Variants in CNGB3 observed in about 807,000 individuals in gnomAD.
CNGB3 encodes cyclic nucleotide-gated channel beta-3.
CNGB3 carries 86 observed loss-of-function variants against 92.8 expected under a neutral mutation model. That is an observed-to-expected ratio of 0.93 (90% CI 0.78 to 1.11). CNGB3 has a LOEUF of 1.11. CNGB3 is among the 50% of genes least tolerant of loss of function. The pLI is 0.00. For missense variants in CNGB3, 1,026 were observed against 956.8 expected, an observed-to-expected ratio of 1.07 and a Z score of -0.95; for synonymous variants, 333 against 332.7, an observed-to-expected ratio of 1.00 and a Z score of -0.01.
chr8:86,672,424 C>T (rs1823879479), intron 3 of CNGB3, among the ~76,000 whole-genome samples: 1 of 152,192 alleles, frequency 6.6e-6, no homozygotes, highest in Non-Finnish European at 1.5e-5. Flanking sequence ...TGAGAAAATA[C>T]ACAAACAGCC....
At chr8:86,718,220 A>G (rs182792160) in intron 3 of CNGB3, among the ~76,000 whole-genome samples, 1 of 152,114 alleles carries the variant, frequency 6.6e-6, no homozygotes, top group East Asian at 1.9e-4. Context: ...AAAAGAGATG[A>G]CACAAAAAAC....
chr8:86,678,108 A>G (rs1824010574), intron 3 of CNGB3, among the ~76,000 whole-genome samples: 1 of 152,158 alleles, frequency 6.6e-6, no homozygotes, highest in Non-Finnish European at 1.5e-5. Context: ...GGAAGTTTTT[A>G]GGGGAGAAAG....
intron 10 of CNGB3, 59 bp downstream of exon 10, chr8:86,643,692 A>G (rs1823235095): frequency 6.4e-7 from 1 of 1,561,836 alleles, no homozygotes; most frequent in South Asian, 1.1e-5. Context: ...ATAAATTCAT[A>G]CAATGAAACA....
rs112781018 is a variant in CNGB3, at chr8:86,673,738, A to G, written c.339-2640T>C. Among the ~76,000 whole-genome samples the G allele has an allele frequency of 5.6e-4, 85 of 152,338 alleles. 1 individual carries two copies. The highest frequency in any genetic ancestry group is 1.6e-3 in the African/African-American group (67 of 41,578). On this transcript the variant is annotated intron_variant, in intron 3 of 17. Coordinates refer to ENST00000320005, the MANE Select transcript of CNGB3 (RefSeq NM_019098.5). ...GACTAGACTCATGAAGATGACATCA[A>G]TATAAATAGGAATTCAGGAAGCAGA...
intron 14 of CNGB3, among the ~76,000 whole-genome samples, chr8:86,607,312 A>G (rs1249746561): frequency 6.6e-6 from 1 of 152,222 alleles, no homozygotes; most frequent in East Asian, 1.9e-4. Flanking sequence ...GGCTGACAGC[A>G]TGTGCAAAAT....
rs144430516 is a variant in CNGB3, at chr8:86,722,737, G to A, written c.338+3794C>T. 1.6e-3 allele frequency among the ~76,000 whole-genome samples: 245 copies of A among 152,316 alleles called. 1 individual carries two copies. Among genetic ancestry groups the A allele is most frequent in the African/African-American group, 5.8e-3 (243 of 41,584 alleles). ...AGAAAGAGGGCACTCCTGCCTGATT[G>A]TTTAAGCTTGGACATTGGTCTTTTT... is the stretch of plus-strand genomic sequence containing the variant. On this transcript the variant is annotated intron_variant, in intron 3 of 17. Transcript: ENST00000320005.
At chr8:86,690,068 G>T (rs1466702340) in intron 3 of CNGB3, among the ~76,000 whole-genome samples, 2 of 152,108 alleles carry the variant, frequency 1.3e-5, no homozygotes, top group African/African-American at 4.8e-5. Flanking sequence ...ATTCCTTTGG[G>T]CATATACCCA....
At chr8:86,578,912 G>A in intron 16 of CNGB3, 49 bp from the exon 17 acceptor site, 1 of 1,610,118 alleles carries the variant, frequency 6.2e-7, no homozygotes, top group Non-Finnish European at 8.5e-7. Flanking sequence ...TGAGAGTTCT[G>A]GCAAAATCTA....
At chr8:86,600,734 C>T (rs368810959) in intron 15 of CNGB3, among the ~76,000 whole-genome samples, 123 of 148,512 alleles carry the variant, frequency 8.3e-4, no homozygotes, top group East Asian at 2.6e-3. Flanking sequence ...CTCAGCCTCC[C>T]GAGTAGCTGG....
intron 10 of CNGB3, among the ~76,000 whole-genome samples, chr8:86,643,509 AT>A (rs2131593982): frequency 6.6e-6 from 1 of 151,444 alleles, no homozygotes; most frequent in South Asian, 2.1e-4. Context: ...GCTCCCACAT[AT>A]ATGTGAGAAC....
In CNGB3 at chr8:86,647,400, A is replaced by G. The variant is rs1009049013; in HGVS notation, c.990+401T>C. 2.0e-4 allele frequency among the ~76,000 whole-genome samples: 30 copies of G among 150,990 alleles called. No individual in the cohort carries two copies. The East Asian group carries it at 5.6e-3, about 28-fold the overall frequency. On this transcript the variant is annotated intron_variant, in intron 8 of 17. Transcript: ENST00000320005. ...TTACAAAATTTAAGATGAGTAAGATAATTTAGGGTAATCTAACCTAACCCC... is the reference window on the plus strand; with the variant it reads ...TTACAAAATTTAAGATGAGTAAGATGATTTAGGGTAATCTAACCTAACCCC...
chr8:86,658,493 T>G, intron 6 of CNGB3: 1 of 398,600 alleles, frequency 2.5e-6, no homozygotes, highest in Non-Finnish European at 4.8e-6. Context: ...TGCCCTGAGC[T>G]TCCTCCTGCT....
chr8:86,683,654 A>G (rs1209367785), intron 3 of CNGB3, among the ~76,000 whole-genome samples: 1 of 152,148 alleles, frequency 6.6e-6, no homozygotes, highest in Admixed American at 6.6e-5. Flanking sequence ...ATCTACTGCT[A>G]GGGACAGACC....
At chr8:86,619,803 G>A (rs1822690930) in intron 13 of CNGB3, among the ~76,000 whole-genome samples, 1 of 136,246 alleles carries the variant, frequency 7.3e-6, no homozygotes. Context: ...GCACAATCAT[G>A]GCTCACTGCA....
chr8:86,679,769 G>A (rs568163373), intron 3 of CNGB3, among the ~76,000 whole-genome samples: 3 of 152,142 alleles, frequency 2.0e-5, no homozygotes, highest in East Asian at 3.9e-4. Flanking sequence ...CAGGTGATCC[G>A]CCCACCTTGG....
intron 14 of CNGB3, among the ~76,000 whole-genome samples, chr8:86,611,207 T>C (rs538058341): frequency 1.3e-5 from 2 of 152,276 alleles, no homozygotes; most frequent in South Asian, 2.1e-4. Flanking sequence ...ATTCACTACT[T>C]GGGAGAGCAA....
intron 2 of CNGB3, among the ~76,000 whole-genome samples, chr8:86,737,326 TATA>T (rs1431263415): frequency 1.9e-4 from 29 of 152,172 alleles, no homozygotes; most frequent in Admixed American, 1.6e-3. Context: ...TCAACATCTT[TATA>T]ATATTATCCT....
In CNGB3 at chr8:86,601,754, A is replaced by C. The variant is rs150517146; in HGVS notation, c.1781+2339T>G. Among the ~76,000 whole-genome samples, 374 of 152,290 alleles carry C rather than the reference A, an allele frequency of 2.5e-3. 2 individuals are homozygous for C. Among genetic ancestry groups the C allele is most frequent in the South Asian group, 0.013 (65 of 4,822 alleles). On this transcript the variant is annotated intron_variant, in intron 15 of 17. Coordinates refer to ENST00000320005, the MANE Select transcript of CNGB3 (RefSeq NM_019098.5). ...CCTGTGGGTATCTGGAAAGAGGCAG[A>C]TGCATCCTGTTTCCCCATAACCACA...
At position 86,644,665 on chromosome 8, in the gene CNGB3, T is replaced by A. The variant is rs1563738445; in HGVS notation, c.1012A>T (p.Asn338Tyr). 2 of 1,589,268 alleles carry A rather than the reference T, an allele frequency of 1.3e-6. No homozygotes were observed. The highest frequency in any genetic ancestry group is 1.7e-6 in the Non-Finnish European group (2 of 1,165,042). ...TCCATTATAGACTCTAGGTGATGAT[T>A]AAATTCAAAAAATGAAGTGTACTAT... is the stretch of plus-strand genomic sequence containing the variant. The part of the protein sequence containing the change: ...MLKYTSFFEF[N>Y]HHLESIMDKA... The change falls in exon 9 of 18, where the codon AAT becomes TAT. Residue 338 changes from asparagine (N) to tyrosine (Y), a missense_variant. By Grantham distance (143) the Asn-to-Tyr change is moderately radical (BLOSUM62 -2). Transcript: ENST00000320005.
Sources: gnomAD v4.1 joint callset for allele counts (sites outside exome capture counted in the v4.1 genomes callset) on GRCh38, gnomAD v4.1.1 for gene constraint, MANE v1.5 for transcripts, NCBI Gene and HGNC (gene_info 2026-07-23, HGNC 2026-07-21) for gene names.